Variants in ERC1 observed in about 807,000 individuals in gnomAD.
ERC1 encodes the protein RAB6 interacting protein 2.
A neutral mutation model predicts 132.0 loss-of-function variants in ERC1; 56 were observed. That is an observed-to-expected ratio of 0.42 (90% CI 0.34 to 0.53). The LOEUF is 0.53. Among genes scored for constraint, ERC1 ranks in the 20% least tolerant of loss-of-function variants. ERC1 has a pLI of 0.03. For missense variants in ERC1, 1,202 were observed against 1,349.9 expected (o/e 0.89, Z 1.72); for synonymous variants, 478 against 476.1 (o/e 1.00, Z -0.05).
chr12:1,342,564 T>G (rs116770981), intron 15 of ERC1, among the ~76,000 whole-genome samples: 215 of 152,032 alleles, frequency 1.4e-3, no homozygotes, highest in African/African-American at 5.0e-3. Flanking sequence ...GTGTAGAACC[T>G]AGACTCAATC....
At chr12:1,142,189 C>A (rs1949916177) in intron 8 of ERC1, among the ~76,000 whole-genome samples, 1 of 152,136 alleles carries the variant, frequency 6.6e-6, no homozygotes, top group Admixed American at 6.5e-5. Flanking sequence ...CCAGTAGCAT[C>A]CAGACCAACA....
At chr12:990,865 G>A (rs1379491356), upstream of ERC1, among the ~76,000 whole-genome samples, 14 of 152,110 alleles carry the variant, frequency 9.2e-5, no homozygotes, top group Non-Finnish European at 2.9e-5. Flanking sequence ...ACGGCAAGCA[G>A]GAGGAGACAA....
intron 18 of ERC1, among the ~76,000 whole-genome samples, chr12:1,453,014 G>T (rs1362335498): frequency 6.6e-6 from 1 of 152,154 alleles, no homozygotes; most frequent in Non-Finnish European, 1.5e-5. Flanking sequence ...TCAGCTTTCA[G>T]CATGTCCTTC....
chr12:1,121,011 C>T (rs1055843402), intron 7 of ERC1, among the ~76,000 whole-genome samples: 1 of 152,188 alleles, frequency 6.6e-6, no homozygotes, highest in Admixed American at 6.5e-5. Flanking sequence ...TTTTAGAGAT[C>T]ATCCAGTCTT....
chr12:1,308,303 A>G (rs912931175), intron 15 of ERC1, among the ~76,000 whole-genome samples: 1 of 152,002 alleles, frequency 6.6e-6, no homozygotes, highest in African/African-American at 2.4e-5. Context: ...ACAGATTAGC[A>G]GCAAATAAAG....
intron 14 of ERC1, among the ~76,000 whole-genome samples, chr12:1,274,314 G>A (rs2078089849): frequency 6.6e-6 from 1 of 152,062 alleles, no homozygotes; most frequent in Non-Finnish European, 1.5e-5. Flanking sequence ...TTTCCTCATG[G>A]AGCTTATATG....
intron 8 of ERC1, among the ~76,000 whole-genome samples, chr12:1,175,607 C>T (rs1425144897): frequency 6.7e-6 from 1 of 148,798 alleles, no homozygotes; most frequent in Non-Finnish European, 1.5e-5. Flanking sequence ...GATCTTGGTT[C>T]ACTGCAACCT....
chr12:1,139,407 T>A (rs537876393), intron 7 of ERC1, among the ~76,000 whole-genome samples: 2 of 152,332 alleles, frequency 1.3e-5, no homozygotes, highest in East Asian at 3.9e-4. Context: ...GTAATGATGC[T>A]GGCATATTGT....
At chr12:1,159,629 C>G (rs1951708855) in intron 8 of ERC1, among the ~76,000 whole-genome samples, 1 of 152,182 alleles carries the variant, frequency 6.6e-6, no homozygotes, top group African/African-American at 2.4e-5. Context: ...TGGCAGCCCC[C>G]AAATCTCAAT....
chr12:1,093,799 G>C (rs1161051030), intron 3 of ERC1, among the ~76,000 whole-genome samples: 2 of 150,876 alleles, frequency 1.3e-5, no homozygotes, highest in Non-Finnish European at 3.0e-5. Context: ...AGGACTGCTT[G>C]TCAGTTTGTC....
chr12:1,199,945 G>A (rs1273059862), intron 12 of ERC1, among the ~76,000 whole-genome samples: 3 of 151,144 alleles, frequency 2.0e-5, no homozygotes, highest in Non-Finnish European at 4.4e-5. Flanking sequence ...AAGAATGAAT[G>A]AGGTCATTTT....
chr12:1,240,389 G>C (rs923020996), intron 13 of ERC1, among the ~76,000 whole-genome samples: 1 of 152,116 alleles, frequency 6.6e-6, no homozygotes, highest in Non-Finnish European at 1.5e-5. Flanking sequence ...TAAAATGCTG[G>C]AAAAGAAAGA....
At chr12:1,357,705 C>A (rs568309801) in intron 15 of ERC1, among the ~76,000 whole-genome samples, 2 of 152,118 alleles carry the variant, frequency 1.3e-5, no homozygotes, top group South Asian at 4.2e-4. Context: ...AAACATGAAG[C>A]GTAAAGGACA....
At chr12:1,277,337 C>G (rs1278335373) in intron 14 of ERC1, among the ~76,000 whole-genome samples, 4 of 152,166 alleles carry the variant, frequency 2.6e-5, no homozygotes, top group African/African-American at 9.7e-5. Context: ...CTTTTTGATC[C>G]TACTTTATTT....
intron 15 of ERC1, among the ~76,000 whole-genome samples, chr12:1,360,923 A>G (rs1441410869): frequency 1.3e-5 from 2 of 151,936 alleles, no homozygotes; most frequent in African/African-American, 4.8e-5. Context: ...ATAAAAATAA[A>G]TAAATAGAAT....
intron 3 of ERC1, among the ~76,000 whole-genome samples, chr12:1,093,949 ATATTTTTC>A (rs1359806022): frequency 1.2e-5 from 1 of 82,580 alleles, no homozygotes; most frequent in African/African-American, 4.5e-5. Flanking sequence ...ATAAATATAT[ATATTTTTC>A]TATATATATA....
At chr12:1,419,099 T>C (rs2092319747) in intron 17 of ERC1, among the ~76,000 whole-genome samples, 1 of 152,112 alleles carries the variant, frequency 6.6e-6, no homozygotes, top group Admixed American at 6.5e-5. Context: ...GTCTCTGTTA[T>C]AGGGTTCTCC....
intron 17 of ERC1, among the ~76,000 whole-genome samples, chr12:1,419,072 A>G (rs984692599): frequency 7.2e-5 from 11 of 152,116 alleles, no homozygotes; most frequent in African/African-American, 2.4e-4. Flanking sequence ...ATAAATGTGT[A>G]TGTTTTTCTC....
chr12:1,014,399 C>T (rs532576524), intron 1 of ERC1, among the ~76,000 whole-genome samples: 1 of 152,018 alleles, frequency 6.6e-6, no homozygotes, highest in East Asian at 1.9e-4. Flanking sequence ...TGGTCTCGAA[C>T]TCCTGAGCTC....
Sources: gnomAD v4.1 joint callset for allele counts (sites outside exome capture counted in the v4.1 genomes callset) on GRCh38, gnomAD v4.1.1 for gene constraint, MANE v1.5 for transcripts, NCBI Gene and HGNC (gene_info 2026-07-23, HGNC 2026-07-21) for gene names.